The following GAS7 variants were observed in gnomAD, a reference collection of about 807,000 sequenced individuals.
The protein encoded by GAS7 is growth arrest-specific protein 7.
A neutral mutation model predicts 71.1 loss-of-function variants in GAS7; 28 were observed. That is an observed-to-expected ratio of 0.39 (90% CI 0.29 to 0.54). The LOEUF (loss-of-function observed/expected upper bound fraction) is 0.54, where lower values mean the gene tolerates loss of function less well. GAS7 is among the 20% of genes least tolerant of loss of function. GAS7 has a pLI of 0.62. For synonymous variants in GAS7, 258 were observed against 245.8 expected (o/e 1.05, Z -0.46); for missense variants, 436 against 627.8 (o/e 0.69, Z 3.27).
chr17:10,180,692 A>G (rs914744039), intron 1 of GAS7, among the ~76,000 whole-genome samples: 2 of 152,030 alleles, frequency 1.3e-5, no homozygotes, highest in Non-Finnish European at 2.9e-5. Context: ...TCCCCAATCA[A>G]TCTTGTTACC....
chr17:9,973,896 G>C (rs1597587648), intron 3 of GAS7, among the ~76,000 whole-genome samples: 3 of 152,164 alleles, frequency 2.0e-5, no homozygotes, highest in Non-Finnish European at 4.4e-5. Context: ...GTTTTTATCT[G>C]AGTAGGTAAT....
chr17:10,059,074 C>CA (rs1282392450), intron 1 of GAS7, among the ~76,000 whole-genome samples: 3 of 152,240 alleles, frequency 2.0e-5, no homozygotes, highest in Admixed American at 1.3e-4. Context: ...AGAATGCGCA[C>CA]AAACGTGGCA....
chr17:9,995,010 G>T (rs1423463096), intron 2 of GAS7, among the ~76,000 whole-genome samples: 1 of 152,206 alleles, frequency 6.6e-6, no homozygotes, highest in African/African-American at 2.4e-5. Context: ...AAGAGTCCAG[G>T]TGGCCTAACA....
chr17:10,016,397 A>AG (rs1388368864), intron 2 of GAS7, among the ~76,000 whole-genome samples: 2 of 151,294 alleles, frequency 1.3e-5, no homozygotes, highest in African/African-American at 2.4e-5. Context: ...AAAAAAAAAA[A>AG]AAAAAAGAGT....
intron 1 of GAS7, among the ~76,000 whole-genome samples, chr17:10,109,748 G>A (rs139097528): frequency 6.5e-4 from 99 of 151,980 alleles, no homozygotes; most frequent in Non-Finnish European, 9.9e-4. Context: ...GCAAAACTCC[G>A]TCTCTACTTA....
chr17:10,095,593 G>A (rs1271248927), intron 1 of GAS7, among the ~76,000 whole-genome samples: 1 of 151,976 alleles, frequency 6.6e-6, no homozygotes, highest in African/African-American at 2.4e-5. Flanking sequence ...AGGCTGAGGC[G>A]GGCGGATCAC....
At chr17:9,944,861 T>C (rs377127452) in intron 6 of GAS7, among the ~76,000 whole-genome samples, 3 of 152,244 alleles carry the variant, frequency 2.0e-5, no homozygotes, top group Admixed American at 1.3e-4. Flanking sequence ...ATGGATATGC[T>C]GAGCTATGCA....
In GAS7 at chr17:9,919,845, T is replaced by C. The variant is rs530473890; in HGVS notation, c.1139-140A>G. On this transcript the variant is annotated intron_variant, in intron 11 of 13. Transcript: ENST00000432992. This position sits in a 1 kb window ranked among gnomAD's most constrained non-coding sequence, Gnocchi z 5.0. ...TGGAAAGCTGGAAAAGGGATGGCAG[T>C]AGGAAGAAGAAGAAAGCAGAGCCAG... The C allele has an allele frequency of 8.3e-4, 593 of 715,136 alleles. No individual in the cohort carries two copies. The highest frequency in any genetic ancestry group is 1.2e-3 in the Non-Finnish European group (490 of 398,002). The allele number at this position is 715,136 out of a possible 1,614,324, so 44.3% of individuals were successfully genotyped here.
chr17:9,998,322 T>C (rs1410879345), intron 2 of GAS7, among the ~76,000 whole-genome samples: 1 of 152,246 alleles, frequency 6.6e-6, no homozygotes, highest in Non-Finnish European at 1.5e-5. Context: ...AAATCCCAGT[T>C]TGGATACACA....
At chr17:10,068,232 A>G (rs755521259) in intron 1 of GAS7, among the ~76,000 whole-genome samples, 4 of 151,818 alleles carry the variant, frequency 2.6e-5, no homozygotes, top group Non-Finnish European at 5.9e-5. Context: ...AGCATCATCA[A>G]CTCCTTCAGG....
chr17:9,980,830 A>T (rs62064559), intron 3 of GAS7, among the ~76,000 whole-genome samples: 30,337 of 152,046 alleles, frequency 0.2, 3,282 homozygotes, highest in Middle Eastern at 0.31. Flanking sequence ...ATGAGGGCTC[A>T]AAATTGAGTG....
intron 1 of GAS7, among the ~76,000 whole-genome samples, chr17:10,057,005 A>G (rs1044187027): frequency 1.3e-5 from 2 of 151,942 alleles, no homozygotes; most frequent in Non-Finnish European, 2.9e-5. Context: ...TGTGTTGGCC[A>G]GGCTGGTCTC....
intron 2 of GAS7, among the ~76,000 whole-genome samples, chr17:10,013,459 A>G (rs2071861059): frequency 6.6e-6 from 1 of 152,218 alleles, no homozygotes; most frequent in Non-Finnish European, 1.5e-5. Flanking sequence ...TTCCCTGGAC[A>G]GCACAAGACA....
At chr17:9,929,888 G>A (rs1165971020) in intron 9 of GAS7, among the ~76,000 whole-genome samples, 1 of 151,824 alleles carries the variant, frequency 6.6e-6, no homozygotes, top group South Asian at 2.1e-4. Flanking sequence ...GGAATCAGAA[G>A]TCCTTCCTCA....
intron 1 of GAS7, among the ~76,000 whole-genome samples, chr17:10,057,940 G>A (rs2073169602): frequency 1.3e-5 from 2 of 152,300 alleles, no homozygotes; most frequent in Non-Finnish European, 2.9e-5. Context: ...GTTAATCTAT[G>A]GCCTTACCCC....
chr17:10,108,111 C>T (rs1597796482), intron 1 of GAS7, among the ~76,000 whole-genome samples: 2 of 151,582 alleles, frequency 1.3e-5, no homozygotes, highest in African/African-American at 4.8e-5. Context: ...AGTCCAGTGG[C>T]GGGCTGGGCT....
Position 9,959,477 on chromosome 17 carries a change from C to A in GAS7, c.472-222G>T. 7.0e-7 allele frequency: 1 copy of A among 1,419,082 alleles called. No individual in the cohort carries two copies. Among genetic ancestry groups the A allele is most frequent in the East Asian group, 2.6e-5 (1 of 39,186 alleles). The allele number at this position is 1,419,082 out of a possible 1,614,324, so 87.9% of individuals were successfully genotyped here. A position where few individuals can be genotyped will look rare whatever the true frequency, so the allele number is the denominator to read the frequency against. On this transcript the variant is annotated intron_variant, in intron 4 of 13. Transcript: ENST00000432992. The surrounding 1 kb of genome is among the most constrained non-coding windows in gnomAD (Gnocchi z 5.0). ...GAAGGCGAATTAAGGAAGCCTCCTGCACAGGCTCTGAGAGAACTGCTCCAA... is the reference window on the plus strand; with the variant it reads ...GAAGGCGAATTAAGGAAGCCTCCTGAACAGGCTCTGAGAGAACTGCTCCAA...
In GAS7 at chr17:9,919,144, C is replaced by T. The variant is rs535808113; in HGVS notation, c.1218+482G>A. 2.7e-5 allele frequency among the ~76,000 whole-genome samples: 4 copies of T among 150,628 alleles called. No individual in the cohort carries two copies. The highest frequency in any genetic ancestry group is 2.1e-4 in the South Asian group (1 of 4,698). ...TACAAGAAATACTCAAGAGCATCAT[C>T]GGCCCTGCCGCCTGTTGTTCACCCT... On this transcript the variant is annotated intron_variant, in intron 12 of 13. Transcript: ENST00000432992. The surrounding 1 kb of genome is among the most constrained non-coding windows in gnomAD (Gnocchi z 5.0).
intron 1 of GAS7, among the ~76,000 whole-genome samples, chr17:10,045,889 CGAACT>C (rs1039004178): frequency 3.9e-5 from 6 of 152,072 alleles, no homozygotes; most frequent in African/African-American, 7.2e-5. Context: ...ATATTTTTTT[CGAACT>C]GACTTATATC....
Sources: gnomAD v4.1 joint callset for allele counts (sites outside exome capture counted in the v4.1 genomes callset) on GRCh38, gnomAD v4.1.1 for gene constraint, Gnocchi (gnomAD v3.1) non-coding constraint, MANE v1.5 for transcripts, NCBI Gene and HGNC (gene_info 2026-07-23, HGNC 2026-07-21) for gene names.